CA10: variants seen among roughly 807,000 people sequenced by gnomAD.
CA10 encodes the protein carbonic anhydrase 10 (inactive).
In CA10, 14 loss-of-function variants were observed where a neutral mutation model predicts 44.2. That is an observed-to-expected ratio of 0.32 (90% CI 0.21 to 0.50). The LOEUF (loss-of-function observed/expected upper bound fraction) is 0.50, where lower values mean the gene tolerates loss of function less well. CA10 is among the 20% of genes least tolerant of loss of function. The pLI is 0.99. For missense variants in CA10, 350 were observed against 409.7 expected (o/e 0.85, Z 1.26); for synonymous variants, 159 against 141.6 (o/e 1.12, Z -0.87).
chr17:51,991,412 A>G (rs1255307132), intron 2 of CA10, among the ~76,000 whole-genome samples: 1 of 152,128 alleles, frequency 6.6e-6, no homozygotes, highest in Non-Finnish European at 1.5e-5. Flanking sequence ...CCCTGTATTT[A>G]CTTACAACTA....
chr17:51,846,125 C>G (rs141220330), intron 3 of CA10, among the ~76,000 whole-genome samples: 1 of 152,374 alleles, frequency 6.6e-6, no homozygotes, highest in East Asian at 1.9e-4. Context: ...AGACATACCA[C>G]AGGTCTGCAA....
intron 3 of CA10, among the ~76,000 whole-genome samples, chr17:51,777,104 G>A (rs1406442080): frequency 1.3e-5 from 2 of 152,204 alleles, no homozygotes; most frequent in Non-Finnish European, 2.9e-5. Flanking sequence ...AAAAAAGAGA[G>A]AGAAATCAAA....
At chr17:51,868,153 C>T (rs949551410) in intron 3 of CA10, among the ~76,000 whole-genome samples, 1 of 151,966 alleles carries the variant, frequency 6.6e-6, no homozygotes, top group African/African-American at 2.4e-5. Context: ...ATCTGCTGCT[C>T]GCTCTCCCTC....
At chr17:52,054,423 C>T (rs1987166389) in intron 2 of CA10, among the ~76,000 whole-genome samples, 1 of 152,118 alleles carries the variant, frequency 6.6e-6, no homozygotes, top group Non-Finnish European at 1.5e-5. Flanking sequence ...AATGACAATG[C>T]GTGCCCGAAA....
intron 4 of CA10, among the ~76,000 whole-genome samples, chr17:51,726,218 G>A (rs1916516262): frequency 6.6e-6 from 1 of 152,070 alleles, no homozygotes; most frequent in Admixed American, 6.5e-5. Context: ...CCTCCTTTAA[G>A]TCCAGCACGA....
rs79528660 is a variant in CA10 at position 52,122,047 on chromosome 17, A to G, written c.61+35679T>C. Among the ~76,000 whole-genome samples, 279 of 152,276 alleles carry G rather than the reference A, an allele frequency of 1.8e-3. 2 individuals are homozygous for G. Among genetic ancestry groups the G allele is most frequent in the African/African-American group, 6.2e-3 (256 of 41,556 alleles). ...CAAATATCCTTTTATGCACACCTCA[A>G]TCAGAATTACCCAAACAGCCATTAA... is the stretch of plus-strand genomic sequence containing the variant. On this transcript the variant is annotated intron_variant, in intron 1 of 8. Coordinates refer to ENST00000451037, the MANE Select transcript of CA10 (RefSeq NM_020178.5).
chr17:51,739,258 A>T (rs1904365742), intron 4 of CA10, among the ~76,000 whole-genome samples: 1 of 152,042 alleles, frequency 6.6e-6, no homozygotes, highest in Non-Finnish European at 1.5e-5. Flanking sequence ...GTTCACGGAA[A>T]TGTTGTGAGC....
At chr17:52,072,573 T>C (rs1987709290) in intron 1 of CA10, among the ~76,000 whole-genome samples, 180 bp from the exon 2 acceptor site, 1 of 149,922 alleles carries the variant, frequency 6.7e-6, no homozygotes, top group Admixed American at 6.7e-5. Flanking sequence ...GATCGGTAAA[T>C]ATAAAAACAT....
Position 52,070,676 on chromosome 17 carries a change from T to A in CA10, c.136+1643A>T, listed in dbSNP as rs918641602. On this transcript the variant is annotated intron_variant, in intron 2 of 8. Transcript: ENST00000451037. ...TTGAGAGTGAGGAAAAGTTATTTTATATCAACATGTAAGGGGACAATAAAA... is the reference window on the plus strand; with the variant it reads ...TTGAGAGTGAGGAAAAGTTATTTTAAATCAACATGTAAGGGGACAATAAAA... 2.5e-4 allele frequency among the ~76,000 whole-genome samples: 38 copies of A among 152,328 alleles called. 1 individual carries two copies. The highest frequency in any genetic ancestry group is 1.8e-4 in the Non-Finnish European group (12 of 68,028).
chr17:51,818,164 G>A (rs1041374161), intron 3 of CA10, among the ~76,000 whole-genome samples: 3 of 152,168 alleles, frequency 2.0e-5, no homozygotes, highest in Non-Finnish European at 4.4e-5. Flanking sequence ...TAACCTCTCT[G>A]AGCCTCACTC....
At chr17:51,855,085 T>A (rs554976732) in intron 3 of CA10, among the ~76,000 whole-genome samples, 3 of 152,118 alleles carry the variant, frequency 2.0e-5, no homozygotes, top group Non-Finnish European at 4.4e-5. Context: ...AGTTTTGGAT[T>A]TAAATCACCC....
At chr17:52,055,961 C>T (rs949742794) in intron 2 of CA10, among the ~76,000 whole-genome samples, 1 of 152,006 alleles carries the variant, frequency 6.6e-6, no homozygotes, top group African/African-American at 2.4e-5. Flanking sequence ...TAAAGCTGAC[C>T]AAATTCTTGG....
At chr17:51,961,422 C>CA (rs1301662747) in intron 2 of CA10, among the ~76,000 whole-genome samples, 3 of 148,276 alleles carry the variant, frequency 2.0e-5, no homozygotes, top group African/African-American at 7.4e-5. Context: ...CAAATTAAGC[C>CA]AAAACCAAGC....
chr17:52,057,281 C>T (rs185357652), intron 2 of CA10, among the ~76,000 whole-genome samples: 2 of 152,144 alleles, frequency 1.3e-5, no homozygotes, highest in Admixed American at 1.3e-4. Context: ...CCTCTTCTGC[C>T]TCTGCCACCA....
At chr17:51,715,255 T>C (rs935168987) in intron 4 of CA10, among the ~76,000 whole-genome samples, 9 of 151,924 alleles carry the variant, frequency 5.9e-5, no homozygotes, top group Admixed American at 4.6e-4. Flanking sequence ...TTAGGAGATA[T>C]ACCTAATGCT....
chr17:52,141,979 G>C (rs756528997), intron 1 of CA10, among the ~76,000 whole-genome samples: 119 of 152,144 alleles, frequency 7.8e-4, no homozygotes, highest in Non-Finnish European at 1.4e-3. Context: ...AGAGCCGATG[G>C]GGCATTATGG....
Position 52,083,882 on chromosome 17 carries a change from A to C in CA10, c.62-11489T>G, listed in dbSNP as rs145214391. Among the ~76,000 whole-genome samples the C allele has an allele frequency of 1.7e-3, 253 of 147,850 alleles. 1 individual carries two copies. Among genetic ancestry groups the C allele is most frequent in the African/African-American group, 6.1e-3 (240 of 39,342 alleles). The stretch of plus-strand genomic sequence containing the variant: ...AGTACTGCTATAAACATATGAATTC[A>C]GTTATCTTTCTGATGTAATTATTTC... On this transcript the variant is annotated intron_variant, in intron 1 of 8. Coordinates refer to ENST00000451037, the MANE Select transcript of CA10 (RefSeq NM_020178.5).
intron 2 of CA10, among the ~76,000 whole-genome samples, chr17:51,995,476 G>A (rs1985201486): frequency 1.3e-5 from 2 of 151,970 alleles, no homozygotes; most frequent in South Asian, 2.1e-4. Context: ...TTGGTCATTA[G>A]GAGAAGACAT....
intron 2 of CA10, among the ~76,000 whole-genome samples, chr17:52,051,716 G>A (rs987054975): frequency 2.0e-5 from 3 of 152,080 alleles, no homozygotes; most frequent in Admixed American, 2.0e-4. Flanking sequence ...GGAAGACAGT[G>A]TGGCAATTCC....
Sources: allele counts gnomAD v4.1 joint callset (sites outside exome capture counted in the v4.1 genomes callset), GRCh38; gene constraint gnomAD v4.1.1; transcripts MANE v1.5; gene names NCBI Gene and HGNC (gene_info 2026-07-23, HGNC 2026-07-21).